SLC4A10: variants seen among roughly 807,000 people sequenced by gnomAD.
The protein encoded by SLC4A10 is solute carrier family 4 member 10.
Under a neutral mutation model 137.7 loss-of-function variants are expected in SLC4A10, and 42 were observed. The ratio of observed to expected loss-of-function variants is 0.30; its 90% CI spans 0.24 to 0.39. SLC4A10 has a LOEUF of 0.39. Ranked by LOEUF, SLC4A10 falls within the 10% of genes least tolerant of loss-of-function variation. SLC4A10 has a pLI of 1.00. For synonymous variants in SLC4A10, 474 were observed against 464.1 expected (o/e 1.02, Z -0.27); for missense variants, 925 against 1,355.0 (o/e 0.68, Z 4.98).
At chr2:161,939,088 A>T (rs1692163587) in intron 15 of SLC4A10, among the ~76,000 whole-genome samples, 1 of 151,624 alleles carries the variant, frequency 6.6e-6, no homozygotes, top group South Asian at 2.1e-4. Context: ...TTTTTATTTT[A>T]TTTTATTGAG....
chr2:161,680,593 C>T (rs1009784894), intron 1 of SLC4A10, among the ~76,000 whole-genome samples: 1 of 151,822 alleles, frequency 6.6e-6, no homozygotes, highest in Non-Finnish European at 1.5e-5. Context: ...AGCTTGATAT[C>T]GATGGCACGA....
chr2:161,929,740 T>C (rs1409479315), intron 15 of SLC4A10, among the ~76,000 whole-genome samples: 2 of 152,106 alleles, frequency 1.3e-5, no homozygotes, highest in East Asian at 1.9e-4. Context: ...TCTCCAAGGA[T>C]CTTAAAACTT....
chr2:161,645,343 T>C (rs2035889288), intron 1 of SLC4A10, among the ~76,000 whole-genome samples: 1 of 152,188 alleles, frequency 6.6e-6, no homozygotes, highest in Non-Finnish European at 1.5e-5. Flanking sequence ...GACTTCTTGT[T>C]ATAATATTTT....
intron 2 of SLC4A10, among the ~76,000 whole-genome samples, chr2:161,774,078 C>T (rs991662661): frequency 2.6e-5 from 4 of 151,712 alleles, no homozygotes; most frequent in Admixed American, 2.0e-4. Flanking sequence ...CTTTCTAAGC[C>T]TACTTCTGTT....
At chr2:161,761,902 C>T (rs2050291493) in intron 1 of SLC4A10, among the ~76,000 whole-genome samples, 1 of 152,082 alleles carries the variant, frequency 6.6e-6, no homozygotes, top group Non-Finnish European at 1.5e-5. Flanking sequence ...CTGGTCTTTC[C>T]ATTTTGGATT....
intron 10 of SLC4A10, among the ~76,000 whole-genome samples, chr2:161,885,657 A>G (rs769819255): frequency 3.3e-5 from 5 of 152,226 alleles, no homozygotes; most frequent in Non-Finnish European, 5.9e-5. Flanking sequence ...GATTATGCTT[A>G]TCAACACTGC....
intron 1 of SLC4A10, among the ~76,000 whole-genome samples, chr2:161,683,942 G>A (rs887724362): frequency 2.0e-5 from 3 of 152,084 alleles, no homozygotes; most frequent in African/African-American, 7.2e-5. Context: ...GTAACTTTAA[G>A]TACATTCACA....
chr2:161,880,189 G>A (rs1575422756), intron 9 of SLC4A10, among the ~76,000 whole-genome samples: 1 of 152,030 alleles, frequency 6.6e-6, no homozygotes, highest in African/African-American at 2.4e-5. Flanking sequence ...CCATATGGCT[G>A]GTGCCCTTTG....
In SLC4A10 at chr2:161,983,367, T is replaced by A; in HGVS notation, c.*215T>A. 1.3e-6 allele frequency: 1 copy of A among 796,660 alleles called. No individual in the cohort carries two copies. The highest frequency in any genetic ancestry group is 2.0e-6 in the Non-Finnish European group (1 of 505,338). 49.3% of individuals were successfully genotyped at this position (796,660 alleles called of 1,614,324 possible). A position where few individuals can be genotyped will look rare whatever the true frequency, so the allele number is the denominator to read the frequency against. ...CCCAAATCCACCTTCATACTGTAAG[T>A]AGTGCAATACTTGTTTCATTTCTGT... On this transcript the variant is annotated 3_prime_UTR_variant, in exon 27 of 27. Coordinates refer to ENST00000446997, the MANE Select transcript of SLC4A10 (RefSeq NM_001178015.2).
chr2:161,892,489 A>C (rs929257917), intron 10 of SLC4A10, among the ~76,000 whole-genome samples: 5 of 152,106 alleles, frequency 3.3e-5, no homozygotes, highest in Non-Finnish European at 1.5e-5. Flanking sequence ...TATCCTAAGC[A>C]AAGTCTGTTT....
intron 21 of SLC4A10, among the ~76,000 whole-genome samples, chr2:161,958,920 C>T (rs182449259): frequency 2.6e-5 from 4 of 152,134 alleles, no homozygotes; most frequent in African/African-American, 4.8e-5. Context: ...TCTTTATGCA[C>T]GAAGATGTTC....
chr2:161,690,238 C>G (rs1018400215), intron 1 of SLC4A10, among the ~76,000 whole-genome samples: 2 of 152,100 alleles, frequency 1.3e-5, no homozygotes, highest in African/African-American at 4.8e-5. Flanking sequence ...ATCGAAACCA[C>G]AATGAAATAC....
chr2:161,802,948 C>T (rs540111926), intron 2 of SLC4A10, among the ~76,000 whole-genome samples: 1 of 152,100 alleles, frequency 6.6e-6, no homozygotes, highest in Non-Finnish European at 1.5e-5. Flanking sequence ...GGGGTTGGGA[C>T]TTTAAAATAT....
chr2:161,910,985 CACTT>C (rs1181287983), intron 15 of SLC4A10, among the ~76,000 whole-genome samples: 3 of 151,606 alleles, frequency 2.0e-5, no homozygotes, highest in Non-Finnish European at 2.9e-5. Context: ...CATTAAGTAT[CACTT>C]AATATGTAAA....
intron 26 of SLC4A10, among the ~76,000 whole-genome samples, chr2:161,978,416 AAAG>A (rs898290923): frequency 6.6e-6 from 1 of 151,484 alleles, no homozygotes; most frequent in African/African-American, 2.4e-5. Flanking sequence ...AGAAAAAGAA[AAAG>A]AAAAAAGAAA....
chr2:161,959,409 G>A (rs1231050358), intron 21 of SLC4A10, among the ~76,000 whole-genome samples: 1 of 152,178 alleles, frequency 6.6e-6, no homozygotes, highest in African/African-American at 2.4e-5. Context: ...TGTGGACAAG[G>A]TCCACAGCAT....
chr2:161,636,560 C>G (rs1030042636), intron 1 of SLC4A10, among the ~76,000 whole-genome samples: 2 of 151,872 alleles, frequency 1.3e-5, no homozygotes, highest in African/African-American at 4.8e-5. Context: ...ATATACCTGG[C>G]TAATTTTTTT....
intron 2 of SLC4A10, among the ~76,000 whole-genome samples, chr2:161,774,104 G>A (rs886793277): frequency 1.1e-4 from 17 of 151,728 alleles, no homozygotes; most frequent in African/African-American, 3.9e-4. Context: ...CAATAAAAAC[G>A]GTGAAGGGTA....
At chr2:161,698,719 T>C (rs554409607) in intron 1 of SLC4A10, among the ~76,000 whole-genome samples, 1 of 152,216 alleles carries the variant, frequency 6.6e-6, no homozygotes, top group Non-Finnish European at 1.5e-5. Flanking sequence ...CAGTATTTTA[T>C]TGAGGATTTT....
Sources: gnomAD v4.1 joint callset for allele counts (sites outside exome capture counted in the v4.1 genomes callset) on GRCh38, gnomAD v4.1.1 for gene constraint, MANE v1.5 for transcripts, NCBI Gene and HGNC (gene_info 2026-07-23, HGNC 2026-07-21) for gene names.